The following AMPH variants were observed in gnomAD, a reference collection of about 807,000 sequenced individuals.
AMPH encodes amphiphysin, also known as amphiphysin (Stiff-Mann syndrome with breast cancer 128kD autoantigen).
AMPH carries 49 observed loss-of-function variants against 99.1 expected under a neutral mutation model. The ratio of observed to expected loss-of-function variants is 0.49; its 90% CI spans 0.39 to 0.63. The LOEUF is 0.63. AMPH is among the 20% of genes least tolerant of loss of function. The pLI, the probability that AMPH is intolerant of heterozygous loss-of-function variation, is 0.00. For synonymous variants in AMPH, 314 were observed against 317.3 expected (o/e 0.99, Z 0.11); for missense variants, 759 against 863.4 (o/e 0.88, Z 1.52).
intron 5 of AMPH, among the ~76,000 whole-genome samples, chr7:38,479,571 G>T (rs1788214896): frequency 6.6e-6 from 1 of 151,948 alleles, no homozygotes; most frequent in Non-Finnish European, 1.5e-5. Context: ...TGTATTGTGG[G>T]GTTTATAACA....
intron 4 of AMPH, among the ~76,000 whole-genome samples, chr7:38,492,686 G>C (rs17171385): frequency 0.19 from 29,649 of 152,088 alleles, 4,155 homozygotes; most frequent in African/African-American, 0.39. Context: ...ATGTTTGCAT[G>C]TGCAACTGAG....
At chr7:38,419,377 C>T (rs527432057) in intron 16 of AMPH, among the ~76,000 whole-genome samples, 6 of 95,068 alleles carry the variant, frequency 6.3e-5, no homozygotes, top group East Asian at 1.1e-3. Flanking sequence ...CAGGATCACA[C>T]GACTATTCTT....
intron 1 of AMPH, among the ~76,000 whole-genome samples, chr7:38,610,295 A>G (rs1584302325): frequency 5.6e-4 from 9 of 15,986 alleles, no homozygotes; most frequent in African/African-American, 2.7e-3. Flanking sequence ...AAAGAAAGAA[A>G]GAAAAGAAAA....
At chr7:38,605,233 G>A (rs1163775019) in intron 1 of AMPH, among the ~76,000 whole-genome samples, 1 of 152,142 alleles carries the variant, frequency 6.6e-6, no homozygotes, top group African/African-American at 2.4e-5. Flanking sequence ...GGGGACGAGG[G>A]GAACATGGGC....
chr7:38,429,130 T>C (rs1383085596), intron 14 of AMPH: 4 of 1,290,052 alleles, frequency 3.1e-6, no homozygotes, highest in Non-Finnish European at 4.0e-6. Context: ...TCTGACTTCT[T>C]CATATCTTCA....
At chr7:38,537,833 G>A (rs958828193) in intron 1 of AMPH, among the ~76,000 whole-genome samples, 2 of 152,066 alleles carry the variant, frequency 1.3e-5, no homozygotes, top group Non-Finnish European at 2.9e-5. Flanking sequence ...AGAAAATCTG[G>A]AGCCAAAAAA....
chr7:38,393,304 C>T (rs1333223036), intron 18 of AMPH, among the ~76,000 whole-genome samples: 1 of 152,146 alleles, frequency 6.6e-6, no homozygotes, highest in Non-Finnish European at 1.5e-5. Flanking sequence ...GGAGTAAAAT[C>T]ATCAGAAGAA....
chr7:38,433,354 T>C (rs1786114776), intron 12 of AMPH, among the ~76,000 whole-genome samples: 1 of 152,178 alleles, frequency 6.6e-6, no homozygotes, highest in Non-Finnish European at 1.5e-5. Context: ...AAAGCCACAG[T>C]TTTTTGTACA....
At chr7:38,402,103 A>T (rs1395378709) in intron 17 of AMPH, among the ~76,000 whole-genome samples, 2 of 152,134 alleles carry the variant, frequency 1.3e-5, no homozygotes, top group African/African-American at 4.8e-5. Flanking sequence ...TAATTCTAAT[A>T]TTACATTTCC....
At chr7:38,424,119 GA>G (rs554241495) in intron 15 of AMPH, among the ~76,000 whole-genome samples, 13 of 151,760 alleles carry the variant, frequency 8.6e-5, no homozygotes, top group Non-Finnish European at 1.5e-4. Context: ...CAGCCCAAAG[GA>G]AAAAAAATGC....
chr7:38,388,872 G>A (rs1784417519), intron 20 of AMPH, among the ~76,000 whole-genome samples: 1 of 152,190 alleles, frequency 6.6e-6, no homozygotes, highest in African/African-American at 2.4e-5. Flanking sequence ...TGGAACTCCT[G>A]GCCTCAAGTG....
At chr7:38,481,503 C>T (rs536511226) in intron 5 of AMPH, among the ~76,000 whole-genome samples, 2 of 152,150 alleles carry the variant, frequency 1.3e-5, no homozygotes, top group South Asian at 4.2e-4. Flanking sequence ...TGCATGGCTG[C>T]CAAGATAGAA....
intron 17 of AMPH, among the ~76,000 whole-genome samples, chr7:38,403,146 C>G (rs1298033909): frequency 2.0e-5 from 3 of 152,036 alleles, no homozygotes; most frequent in Admixed American, 6.6e-5. Context: ...TGGCCATGAT[C>G]TGAATGGAAA....
chr7:38,503,468 G>A (rs77060869), intron 3 of AMPH, among the ~76,000 whole-genome samples, 182 bp downstream of exon 3: 3,044 of 130,630 alleles, frequency 0.023, 48 homozygotes, highest in Admixed American at 0.034. Flanking sequence ...TATATATTCT[G>A]ATTATCATTT....
intron 11 of AMPH, among the ~76,000 whole-genome samples, chr7:38,441,769 T>TCA (rs1786525658): frequency 7.0e-6 from 1 of 142,498 alleles, no homozygotes; most frequent in Non-Finnish European, 1.5e-5. Flanking sequence ...ATCATATATA[T>TCA]GATATATATC....
chr7:38,433,641 C>A (rs1433759705), intron 12 of AMPH, among the ~76,000 whole-genome samples: 1 of 94,048 alleles, frequency 1.1e-5, no homozygotes, highest in African/African-American at 4.6e-5. Context: ...AGGAGAATGG[C>A]ATGAACCCGG....
intron 17 of AMPH, among the ~76,000 whole-genome samples, chr7:38,413,167 G>C (rs1247071320): frequency 6.6e-6 from 1 of 152,192 alleles, no homozygotes; most frequent in Non-Finnish European, 1.5e-5. Flanking sequence ...CTGCACGACA[G>C]ATGTTGAAAC....
chr7:38,418,370 T>C (rs1785463670), intron 16 of AMPH, among the ~76,000 whole-genome samples: 1 of 151,788 alleles, frequency 6.6e-6, no homozygotes, highest in Non-Finnish European at 1.5e-5. Context: ...AGAGAAAGGA[T>C]TCTAGGAGGA....
chr7:38,461,458 T>C (rs1427618068), intron 10 of AMPH, 47 bp from the exon 11 acceptor site: 2 of 1,612,036 alleles, frequency 1.2e-6, no homozygotes, highest in Admixed American at 1.7e-5. Context: ...AGACAATGTG[T>C]CAGACACGAA....
Sources: gnomAD v4.1 joint callset for allele counts (sites outside exome capture counted in the v4.1 genomes callset) on GRCh38, gnomAD v4.1.1 for gene constraint, MANE v1.5 for transcripts, NCBI Gene and HGNC (gene_info 2026-07-23, HGNC 2026-07-21) for gene names.